The following USP5 variants were observed in gnomAD, a reference collection of about 807,000 sequenced individuals.
The protein encoded by USP5 is ubiquitin carboxyl-terminal hydrolase 5.
A neutral mutation model predicts 102.5 loss-of-function variants in USP5; 24 were observed. The observed-to-expected ratio is 0.23, with a 90% CI of 0.17 to 0.33. The LOEUF (loss-of-function observed/expected upper bound fraction) is 0.33, where lower values mean the gene tolerates loss of function less well. Ranked by LOEUF, USP5 falls within the 10% of genes least tolerant of loss-of-function variation. The pLI is 1.00. For synonymous variants in USP5, 460 were observed against 434.8 expected (o/e 1.06, Z -0.72); for missense variants, 753 against 1,122.1 (o/e 0.67, Z 4.70).
In USP5 at chr12:6,858,329, C is replaced by A; in HGVS notation, c.865-95C>A. ...GCCTGTAATTCCACAAATTCTAGGC[C>A]ACAGTTGAGTATCATCCTAGACTCA... On this transcript the variant is annotated intron_variant, in intron 7 of 19. Coordinates refer to ENST00000229268, the MANE Select transcript of USP5 (RefSeq NM_001098536.2). This position sits in a 1 kb window ranked among gnomAD's most constrained non-coding sequence, Gnocchi z 4.2. The A allele has an allele frequency of 3.0e-6, 4 of 1,328,302 alleles. No individual in the cohort carries two copies. Among genetic ancestry groups the A allele is most frequent in the Non-Finnish European group, 4.2e-6 (4 of 963,364 alleles). 82.3% of individuals were successfully genotyped at this position (1,328,302 alleles called of 1,614,324 possible).
chr12:6,857,960 C>T (rs1944168764), intron 7 of USP5, among the ~76,000 whole-genome samples: 2 of 152,174 alleles, frequency 1.3e-5, no homozygotes, highest in South Asian at 4.1e-4. Flanking sequence ...AAGAGTTCTA[C>T]TCTAGAAGAA....
Sources: gnomAD v4.1 joint callset for allele counts (sites outside exome capture counted in the v4.1 genomes callset) on GRCh38, gnomAD v4.1.1 for gene constraint, Gnocchi (gnomAD v3.1) non-coding constraint, MANE v1.5 for transcripts, NCBI Gene and HGNC (gene_info 2026-07-23, HGNC 2026-07-21) for gene names.